TRMT9B: variants seen among roughly 807,000 people sequenced by gnomAD.
TRMT9B encodes the protein tRNA methyltransferase 9B (putative).
A neutral mutation model predicts 11.5 loss-of-function variants in TRMT9B; 16 were observed. That is an observed-to-expected ratio of 1.39 (90% CI 0.94 to 2.11). The LOEUF (loss-of-function observed/expected upper bound fraction) is 2.11, where lower values mean the gene tolerates loss of function less well. Among genes scored for constraint, TRMT9B ranks in the 30% most tolerant of loss-of-function variants. TRMT9B has a pLI of 0.00. For synonymous variants in TRMT9B, 274 were observed against 192.4 expected, an observed-to-expected ratio of 1.42 and a Z score of -3.51; for missense variants, 941 against 553.8, an observed-to-expected ratio of 1.70 and a Z score of -7.02.
chr8:13,000,372 G>C (rs1442385687), intron 2 of TRMT9B, among the ~76,000 whole-genome samples: 1 of 152,130 alleles, frequency 6.6e-6, no homozygotes, highest in Non-Finnish European at 1.5e-5. Context: ...CCTTCTCTTT[G>C]TTTTTCTACC....
intron 1 of TRMT9B, among the ~76,000 whole-genome samples, chr8:12,948,876 C>A (rs916182953): frequency 6.6e-6 from 1 of 152,104 alleles, no homozygotes; most frequent in South Asian, 2.1e-4. Context: ...AGGAGAATGG[C>A]GTGAACCTGG....
intron 3 of TRMT9B, chr8:13,010,998 T>C: frequency 1.1e-6 from 1 of 879,168 alleles, no homozygotes; most frequent in African/African-American, 1.8e-5. Flanking sequence ...TTTTTCTTTT[T>C]TGAGACAAAA....
At chr8:13,001,498 T>A (rs1375495254) in intron 2 of TRMT9B, among the ~76,000 whole-genome samples, 1 of 152,244 alleles carries the variant, frequency 6.6e-6, no homozygotes, top group African/African-American at 2.4e-5. Flanking sequence ...GATAACATAC[T>A]TCACTAAAAC....
intron 1 of TRMT9B, among the ~76,000 whole-genome samples, chr8:12,954,275 T>C (rs999940695): frequency 6.6e-6 from 1 of 152,234 alleles, no homozygotes; most frequent in Non-Finnish European, 1.5e-5. Context: ...TACGCGGATA[T>C]GTGAATGCTT....
intron 1 of TRMT9B, among the ~76,000 whole-genome samples, chr8:12,985,828 C>T (rs1806195732): frequency 6.6e-6 from 1 of 151,682 alleles, no homozygotes. Flanking sequence ...CTCTAATGTC[C>T]CTAATGGGCT....
At chr8:12,955,718 A>C (rs556173120) in intron 1 of TRMT9B, among the ~76,000 whole-genome samples, 2 of 152,282 alleles carry the variant, frequency 1.3e-5, no homozygotes, top group South Asian at 4.1e-4. Context: ...AATGGAAACT[A>C]TCCTAACTAT....
At chr8:12,968,082 A>T (rs1259031991) in intron 1 of TRMT9B, among the ~76,000 whole-genome samples, 1 of 152,164 alleles carries the variant, frequency 6.6e-6, no homozygotes, top group Non-Finnish European at 1.5e-5. Flanking sequence ...ATGGGATTTC[A>T]CCATGTTGTC....
chr8:12,991,489 G>A (rs1189241675), intron 2 of TRMT9B, among the ~76,000 whole-genome samples: 2 of 152,200 alleles, frequency 1.3e-5, no homozygotes, highest in African/African-American at 2.4e-5. Flanking sequence ...TGTAGTTTAA[G>A]TGTGTCTTTG....
At chr8:12,953,715 A>ATACAGG (rs1800940016) in intron 1 of TRMT9B, among the ~76,000 whole-genome samples, 1 of 152,200 alleles carries the variant, frequency 6.6e-6, no homozygotes, top group African/African-American at 2.4e-5. Flanking sequence ...AGGGTAAAGA[A>ATACAGG]CTGTCCAGTG....
chr8:13,025,618 C>G lies in TRMT9B; in HGVS notation c.*3574C>G, dbSNP rs1337755193. ...TTGGGGGAAAGCGCATTAACATGGA[C>G]AAAGGATGGAATCAAAATAATGTTA... On this transcript the variant is annotated 3_prime_UTR_variant, in exon 5 of 5. Coordinates refer to ENST00000524591, the MANE Select transcript of TRMT9B (RefSeq NM_020844.3). 1 of 166,988 alleles carries G rather than the reference C, an allele frequency of 6.0e-6. No homozygotes were observed. Among genetic ancestry groups the G allele is most frequent in the African/African-American group, 2.4e-5 (1 of 41,420 alleles). The allele number at this position is 166,988 out of a possible 1,614,324, so 10.3% of individuals were successfully genotyped here. A position where few individuals can be genotyped will look rare whatever the true frequency, so the allele number is the denominator to read the frequency against.
chr8:13,020,998 T>A lies in TRMT9B; in HGVS notation c.329-10T>A. ...GCATACACACTGAGATCTAGTTTTG[T>A]CTTTTTCAGTCATACATCATTTTTC... is the stretch of plus-strand genomic sequence containing the variant. On this transcript the variant is annotated splice_polypyrimidine_tract_variant and intron_variant, in intron 4 of 4. Coordinates refer to ENST00000524591, the MANE Select transcript of TRMT9B (RefSeq NM_020844.3). The A allele has an allele frequency of 6.6e-7, 1 of 1,515,616 alleles. No individual in the cohort carries two copies. 93.9% of individuals were successfully genotyped at this position (1,515,616 alleles called of 1,614,324 possible).
In TRMT9B at chr8:13,022,005, C is replaced by G. The variant is rs1304864844; in HGVS notation, c.1326C>G (p.Asn442Lys). Residue 442 changes from asparagine to lysine, a missense_variant, in exon 5 of 5, where the codon AAC becomes AAG. By Grantham distance (94) the Asn-to-Lys change is moderately conservative (BLOSUM62 0). Coordinates refer to ENST00000524591, the MANE Select transcript of TRMT9B (RefSeq NM_020844.3). ...RILSSGNDHG[N>K]WCIIAEKKRG... is the part of the protein sequence containing the mutation. ...TGAGTTCTGGGAATGATCATGGTAACTGGTGTATCATTGCAGAGAAAAAGA... is the reference window on the plus strand; with the variant it reads ...TGAGTTCTGGGAATGATCATGGTAAGTGGTGTATCATTGCAGAGAAAAAGA... The G allele has an allele frequency of 1.2e-6, 2 of 1,609,382 alleles. No homozygotes were observed. The highest frequency in any genetic ancestry group is 2.2e-5 in the East Asian group (1 of 44,852).
chr8:13,002,881 C>A lies in TRMT9B; in HGVS notation c.-1-3321C>A, dbSNP rs566438587. On this transcript the variant is annotated intron_variant, in intron 2 of 4. Coordinates refer to ENST00000524591, the MANE Select transcript of TRMT9B (RefSeq NM_020844.3). The stretch of plus-strand genomic sequence containing the variant: ...GACAGAGGCTGTCCAGGGACAGTAT[C>A]TTCTCTCCAGTTACACTCCCATCTG... 4.5e-3 allele frequency among the ~76,000 whole-genome samples: 682 copies of A among 152,222 alleles called. 7 individuals are homozygous for A. The highest frequency in any genetic ancestry group is 0.015 in the African/African-American group (616 of 41,548).
chr8:13,017,795 T>A (rs1417435009), intron 4 of TRMT9B, among the ~76,000 whole-genome samples: 3 of 151,620 alleles, frequency 2.0e-5, no homozygotes, highest in African/African-American at 7.3e-5. Context: ...TTTTATTTTT[T>A]ATTTTTTTGG....
In TRMT9B at chr8:13,028,960, T is replaced by C. The variant is rs1815047082; in HGVS notation, c.*6916T>C. The C allele has an allele frequency of 6.0e-6, 1 of 166,968 alleles. No individual in the cohort carries two copies. Among genetic ancestry groups the C allele is most frequent in the African/African-American group, 2.4e-5 (1 of 41,402 alleles). The allele number at this position is 166,968 out of a possible 1,614,324, so 10.3% of individuals were successfully genotyped here. Reference sequence around the variant, plus strand: ...GCTCACTAATGTGGACCTAAGTGAGTATCTGAGAGGCTTTGAATATGTATG... The same window carrying C: ...GCTCACTAATGTGGACCTAAGTGAGCATCTGAGAGGCTTTGAATATGTATG... On this transcript the variant is annotated 3_prime_UTR_variant, in exon 5 of 5. Transcript: ENST00000524591.
intron 1 of TRMT9B, among the ~76,000 whole-genome samples, chr8:12,972,586 T>A (rs1585146806): frequency 6.6e-6 from 1 of 152,276 alleles, no homozygotes; most frequent in East Asian, 1.9e-4. Context: ...AGGCTCCCTA[T>A]GGTGTCCCCT....
In TRMT9B at chr8:13,021,893, C is replaced by G; in HGVS notation, c.1214C>G (p.Ser405Cys). 1.2e-6 allele frequency: 2 copies of G among 1,613,836 alleles called. No homozygotes were observed. The highest frequency in any genetic ancestry group is 1.7e-6 in the Non-Finnish European group (2 of 1,179,884). Residue 405 changes from serine to cysteine, a missense_variant, in exon 5 of 5, where the codon TCC becomes TGC. Physicochemically the swap from Ser to Cys is moderately radical, Grantham distance 112. Coordinates refer to ENST00000524591, the MANE Select transcript of TRMT9B (RefSeq NM_020844.3). The stretch of plus-strand genomic sequence containing the variant: ...GATCCACAGACTGATGTTTTGGACT[C>G]CACAGCCTTTATGCGCTACTACCAT... ...VEDPQTDVLD[S>C]TAFMRYYHVF...
rs187482395 is a variant in TRMT9B, at chr8:13,008,767, T to C, written c.154+2411T>C. ...TTTTTGAGACGGAGTCTTGCTCTGTTGCCCAGGCTGGAGTGCAGGGGCGCC... is the reference window on the plus strand; with the variant it reads ...TTTTTGAGACGGAGTCTTGCTCTGTCGCCCAGGCTGGAGTGCAGGGGCGCC... On this transcript the variant is annotated intron_variant, in intron 3 of 4. Coordinates refer to ENST00000524591, the MANE Select transcript of TRMT9B (RefSeq NM_020844.3). Among the ~76,000 whole-genome samples the C allele has an allele frequency of 1.6e-3, 243 of 152,258 alleles. 4 individuals are homozygous for C. In the East Asian group the frequency reaches 0.04, roughly 25 times the overall value.
chr8:13,010,867 C>G (rs1198874790), intron 3 of TRMT9B: 8 of 976,860 alleles, frequency 8.2e-6, no homozygotes, highest in Non-Finnish European at 9.7e-6. Context: ...TGCCTTCAAA[C>G]AGAGGGTACT....
Sources: allele counts gnomAD v4.1 joint callset (sites outside exome capture counted in the v4.1 genomes callset), GRCh38; gene constraint gnomAD v4.1.1; transcripts MANE v1.5; gene names NCBI Gene and HGNC (gene_info 2026-07-23, HGNC 2026-07-21).